DAPK2: variants seen among roughly 807,000 people sequenced by gnomAD.
DAPK2 encodes death-associated protein kinase 2.
DAPK2 carries 35 observed loss-of-function variants against 44.1 expected under a neutral mutation model. That is an observed-to-expected ratio of 0.79 (90% CI 0.61 to 1.05). The LOEUF (loss-of-function observed/expected upper bound fraction) is 1.05. Among genes scored for constraint, DAPK2 ranks in the 50% least tolerant of loss-of-function variants. DAPK2 has a pLI of 0.00. For missense variants in DAPK2, 453 were observed against 483.2 expected, an observed-to-expected ratio of 0.94 and a Z score of 0.59; for synonymous variants, 174 against 182.6, an observed-to-expected ratio of 0.95 and a Z score of 0.38.
chr15:64,014,453 C>T (rs1353923082), intron 1 of DAPK2, among the ~76,000 whole-genome samples: 4 of 152,198 alleles, frequency 2.6e-5, no homozygotes, highest in Non-Finnish European at 4.4e-5. Context: ...TTCAAAATCA[C>T]CCAATGATTT....
chr15:64,009,143 T>G (rs2079318177), intron 1 of DAPK2, among the ~76,000 whole-genome samples: 1 of 152,140 alleles, frequency 6.6e-6, no homozygotes, highest in Admixed American at 6.5e-5. Context: ...TCTCCCTTAG[T>G]AGACTGTAAT....
rs551687423 is a variant in DAPK2, at chr15:63,939,306, A to G, written c.509T>C (p.Ile170Thr). The G allele has an allele frequency of 2.8e-5, 46 of 1,614,076 alleles. No homozygotes were observed. In the East Asian group the frequency reaches 6.9e-4, roughly 24 times the overall value. Residue 170 changes from isoleucine (I) to threonine (T), a missense_variant, in exon 4 of 11, where the codon ATT becomes ACT. Physicochemically the swap from Ile to Thr is moderately conservative, Grantham distance 89. Transcript: ENST00000261891. This position sits in a 1 kb window ranked among gnomAD's most constrained non-coding sequence, Gnocchi z 4.3. ...TATTTCGTGAGCCAGACCAAAGTCA[A>G]TCAGCTTGATGTGTGGAATGGGAAT...
chr15:64,040,222 A>C, exon 1 of DAPK2: 1 of 1,614,004 alleles, frequency 6.2e-7, no homozygotes, highest in African/African-American at 1.3e-5. Context: ...TGCTGCTTGA[A>C]TGGCTCCATG....
intron 2 of DAPK2, among the ~76,000 whole-genome samples, chr15:63,972,990 C>A (rs187810472): frequency 1.3e-5 from 2 of 152,308 alleles, no homozygotes; most frequent in East Asian, 1.9e-4. Flanking sequence ...GGAAGAATAA[C>A]CCTGAAGTCA....
At chr15:63,970,308 T>C (rs1464188132) in intron 3 of DAPK2, among the ~76,000 whole-genome samples, 2 of 152,228 alleles carry the variant, frequency 1.3e-5, no homozygotes, top group Non-Finnish European at 2.9e-5. Flanking sequence ...ATGCCTGTAC[T>C]TCCCTGAATG....
intron 3 of DAPK2, among the ~76,000 whole-genome samples, chr15:63,957,641 A>G (rs2077764638): frequency 6.6e-6 from 1 of 151,852 alleles, no homozygotes; most frequent in Non-Finnish European, 1.5e-5. Flanking sequence ...TTTGCTCAGA[A>G]TGATGGTTTC....
chr15:64,028,231 G>A (rs553881452), intron 1 of DAPK2, among the ~76,000 whole-genome samples: 1 of 152,102 alleles, frequency 6.6e-6, no homozygotes, highest in Non-Finnish European at 1.5e-5. Flanking sequence ...GCTAATTTTT[G>A]TATTTTTAGT....
rs112999463 is a variant in DAPK2, at chr15:63,923,128, G to A, written c.858+1688C>T. ...AGATGGAGACCAGGGCCTCCACATCGTCCTGGATGGTATCGTGGGCCTCCA... is the reference window on the plus strand; with the variant it reads ...AGATGGAGACCAGGGCCTCCACATCATCCTGGATGGTATCGTGGGCCTCCA... On this transcript the variant is annotated intron_variant, in intron 8 of 10. Coordinates refer to ENST00000261891, the Ensembl canonical transcript of DAPK2. The surrounding 1 kb of genome is among the most constrained non-coding windows in gnomAD (Gnocchi z 4.2). 2.8e-3 allele frequency: 4,265 copies of A among 1,535,776 alleles called. 96 individuals carry two copies. The African/African-American group carries it at 0.05, about 18-fold the overall frequency.
intron 1 of DAPK2, among the ~76,000 whole-genome samples, chr15:64,007,293 C>T (rs2079259956): frequency 6.6e-6 from 1 of 151,984 alleles, no homozygotes; most frequent in African/African-American, 2.4e-5. Context: ...TCACACAACC[C>T]TTTCTCACTC....
intron 4 of DAPK2, among the ~76,000 whole-genome samples, chr15:63,933,596 ATTTTT>A (rs57997935): frequency 2.5e-5 from 3 of 118,190 alleles, no homozygotes; most frequent in African/African-American, 3.1e-5. Context: ...GGACAGATTG[ATTTTT>A]TTTTTTTTTT....
At chr15:63,989,226 ACAACCTGCAGTCCCAG>A (rs1412175574) in intron 1 of DAPK2, among the ~76,000 whole-genome samples, 2 of 148,808 alleles carry the variant, frequency 1.3e-5, no homozygotes, top group Non-Finnish European at 3.0e-5. Context: ...GCAAGGTGGC[ACAACCTGCAGTCCCAG>A]CTACTCAGGA....
intron 1 of DAPK2, among the ~76,000 whole-genome samples, chr15:63,994,039 G>A (rs1231766664): frequency 6.6e-6 from 1 of 152,160 alleles, no homozygotes; most frequent in Non-Finnish European, 1.5e-5. Flanking sequence ...GGCAAGGAGA[G>A]CAGATCTCAG....
chr15:64,036,548 A>T (rs1567290510), intron 1 of DAPK2, among the ~76,000 whole-genome samples: 1 of 151,392 alleles, frequency 6.6e-6, no homozygotes. Flanking sequence ...TTCTGGCACC[A>T]CTGATTCCTT....
intron 2 of DAPK2, among the ~76,000 whole-genome samples, chr15:63,981,082 T>C (rs2078495335): frequency 1.3e-5 from 1 of 79,140 alleles, no homozygotes; most frequent in African/African-American, 3.6e-5. Flanking sequence ...AGAGCGAGAC[T>C]CCATCTCAAA....
upstream of DAPK2, among the ~76,000 whole-genome samples, chr15:64,042,264 C>T (rs371453372): frequency 1.3e-5 from 2 of 152,174 alleles, no homozygotes; most frequent in South Asian, 2.1e-4. This position sits in a 1 kb window ranked among gnomAD's most constrained non-coding sequence, Gnocchi z 4.7. Context: ...ATCAGAAGCT[C>T]GACGCCCCTC....
In DAPK2 at chr15:63,936,973, C is replaced by T. The variant is rs1191013741; in HGVS notation, c.583+2259G>A. On this transcript the variant is annotated intron_variant, in intron 4 of 10. Coordinates refer to ENST00000261891, the Ensembl canonical transcript of DAPK2. Reference sequence around the variant, plus strand: ...CCAGCCTGGGTGACAGAGTGAGACCCTGTCTCAAAAAAAAAAAAAAAAAAA... The same window carrying T: ...CCAGCCTGGGTGACAGAGTGAGACCTTGTCTCAAAAAAAAAAAAAAAAAAA... Among the ~76,000 whole-genome samples, 4 of 78,956 alleles carry T rather than the reference C, an allele frequency of 5.1e-5. No individual in the cohort carries two copies. The Admixed American group carries it at 5.2e-4, about 10-fold the overall frequency. 51.8% of individuals were successfully genotyped at this position (78,956 alleles called of 152,430 possible).
intron 3 of DAPK2, among the ~76,000 whole-genome samples, chr15:63,945,492 G>A (rs148064894): frequency 1.3e-5 from 2 of 152,312 alleles, no homozygotes; most frequent in East Asian, 3.9e-4. Flanking sequence ...GGGCTGTGAT[G>A]CGGATGGAGC....
chr15:63,927,065 C>T (rs2079307649), intron 6 of DAPK2, among the ~76,000 whole-genome samples: 1 of 152,162 alleles, frequency 6.6e-6, no homozygotes, highest in Non-Finnish European at 1.5e-5. Flanking sequence ...AGCTAGAACC[C>T]CTTGTGTAGT....
At position 63,990,704 on chromosome 15, in the gene DAPK2, C is replaced by T. The variant is rs2078794860; in HGVS notation, c.93-6950G>A. On this transcript the variant is annotated intron_variant, in intron 1 of 10. Transcript: ENST00000261891. This position sits in a 1 kb window ranked among gnomAD's most constrained non-coding sequence, Gnocchi z 4.3. ...ACCGCAGACACCGCAGTTCCTCTTT[C>T]CACTCTGGAGAACAATGAGCCGTGA... Among the ~76,000 whole-genome samples, 1 of 152,162 alleles carries T rather than the reference C, an allele frequency of 6.6e-6. No individual in the cohort carries two copies.
Sources: gnomAD v4.1 joint callset for allele counts (sites outside exome capture counted in the v4.1 genomes callset) on GRCh38, gnomAD v4.1.1 for gene constraint, Gnocchi (gnomAD v3.1) non-coding constraint, MANE v1.5 for transcripts, NCBI Gene and HGNC (gene_info 2026-07-23, HGNC 2026-07-21) for gene names.